The following FAM209A variants were observed in gnomAD, a reference collection of about 807,000 sequenced individuals.
The protein encoded by FAM209A is protein FAM209A.
FAM209A carries 4 observed loss-of-function variants against 9.8 expected under a neutral mutation model. The observed-to-expected ratio is 0.41, with a 90% CI of 0.20 to 0.94. The LOEUF is 0.94. FAM209A is among the 40% of genes least tolerant of loss of function. FAM209A has a pLI of 0.32. For synonymous variants in FAM209A, 55 were observed against 77.8 expected, an observed-to-expected ratio of 0.71 and a Z score of 1.54; for missense variants, 205 against 209.4, an observed-to-expected ratio of 0.98 and a Z score of 0.13.
downstream of FAM209A, among the ~76,000 whole-genome samples, chr20:56,530,080 C>A (rs747405550): frequency 6.5e-4 from 93 of 142,032 alleles, no homozygotes; most frequent in Non-Finnish European, 1.2e-3. Flanking sequence ...ACCCATCCAT[C>A]CAACCATCCA....
downstream of FAM209A, among the ~76,000 whole-genome samples, chr20:56,529,150 G>A (rs779485373): frequency 1.3e-5 from 2 of 151,960 alleles, no homozygotes; most frequent in African/African-American, 4.8e-5. Flanking sequence ...GGAGTTTGCA[G>A]TGAGCCAATA....
chr20:56,527,913 C>A (rs1985607674), downstream of FAM209A, among the ~76,000 whole-genome samples: 1 of 152,150 alleles, frequency 6.6e-6, no homozygotes. Context: ...TCAAGACCAG[C>A]CTGGCCAACA....
chr20:56,533,496 C>G, the FAM209A span: 1 of 1,614,080 alleles, frequency 6.2e-7, no homozygotes, highest in Admixed American at 1.7e-5. Flanking sequence ...CCAGAGCACA[C>G]CCAAGGCTGG....
At chr20:56,527,407 G>A (rs1354630335), downstream of FAM209A, among the ~76,000 whole-genome samples, 1 of 152,114 alleles carries the variant, frequency 6.6e-6, no homozygotes, top group East Asian at 1.9e-4. Flanking sequence ...TTCCCCAAGG[G>A]GCCAGGTTCC....
At chr20:56,526,242 T>C, downstream of FAM209A, 1 of 946,522 alleles carries the variant, frequency 1.1e-6, no homozygotes, top group East Asian at 2.7e-5. Context: ...GATGGTTTTG[T>C]TTTTGCCTCT....
In FAM209A at chr20:56,525,201, C is replaced by T. The variant is rs6127780; in HGVS notation, c.249+144C>T. ...CTGGGCAAAGCTGGCAAATTCACTT[C>T]CTGATGTATCCTTAGTGAAGACAAT... On this transcript the variant is annotated intron_variant, in intron 1 of 1. Coordinates refer to ENST00000371328, the MANE Select transcript of FAM209A (RefSeq NM_001012971.4). 0.027 allele frequency: 28,458 copies of T among 1,053,290 alleles called. 2,632 individuals carry two copies. In the East Asian group the frequency reaches 0.31, roughly 12 times the overall value. 65.2% of individuals were successfully genotyped at this position (1,053,290 alleles called of 1,614,324 possible).
At position 56,524,793 on chromosome 20, in the gene FAM209A, C is replaced by T; in HGVS notation, c.-16C>T. 5.0e-6 allele frequency: 8 copies of T among 1,613,396 alleles called. No homozygotes were observed. The highest frequency in any genetic ancestry group is 2.2e-5 in the East Asian group (1 of 44,872). Reference sequence around the variant, plus strand: ...AAACCCGTCATGAGCAACTCCCTTCCCCATCTCTGCTCACCATGTGGACGC... The same window carrying T: ...AAACCCGTCATGAGCAACTCCCTTCTCCATCTCTGCTCACCATGTGGACGC... On this transcript the variant is annotated 5_prime_UTR_variant, in exon 1 of 2. Coordinates refer to ENST00000371328, the MANE Select transcript of FAM209A (RefSeq NM_001012971.4).
intron 1 of FAM209A, among the ~76,000 whole-genome samples, chr20:56,525,598 C>T (rs910726702): frequency 1.1e-4 from 17 of 152,038 alleles, no homozygotes; most frequent in Admixed American, 2.6e-4. Context: ...CTAGAAAGAC[C>T]CAGCACTTCA....
At chr20:56,531,920 C>T in the FAM209A span, among the ~76,000 whole-genome samples, 1 of 149,702 alleles carries the variant, frequency 6.7e-6, no homozygotes, top group Non-Finnish European at 1.5e-5. Flanking sequence ...TGAGCCCCTG[C>T]CCCTGTGCCT....
rs1204847273 is a variant in FAM209A at position 56,524,985 on chromosome 20, A to G, written c.177A>G (p.Lys59=). Residue 59 remains lysine, a synonymous_variant, in exon 1 of 2, where the codon AAA becomes AAG. Coordinates refer to ENST00000371328, the MANE Select transcript of FAM209A (RefSeq NM_001012971.4). ...PEHTQGWLGS[K]WLWLLFVVVP... ...ACACCCAAGGCTGGCTTGGGAGCAAATGGCTCTGGCTTCTTTTTGTTGTTG... is the reference window on the plus strand; with the variant it reads ...ACACCCAAGGCTGGCTTGGGAGCAAGTGGCTCTGGCTTCTTTTTGTTGTTG... 8.7e-6 allele frequency: 14 copies of G among 1,614,146 alleles called. No individual in the cohort carries two copies. The highest frequency in any genetic ancestry group is 1.2e-5 in the Non-Finnish European group (14 of 1,180,010).
downstream of FAM209A, among the ~76,000 whole-genome samples, chr20:56,530,875 C>G (rs1432556485): frequency 1.3e-5 from 2 of 152,042 alleles, no homozygotes; most frequent in African/African-American, 2.4e-5. Context: ...CGAGGGTGCC[C>G]AGCTGACTCT....
downstream of FAM209A, among the ~76,000 whole-genome samples, chr20:56,528,215 C>A (rs970285470): frequency 2.0e-5 from 3 of 151,458 alleles, no homozygotes. Context: ...TCTGGGAGGT[C>A]GAGGCTGCAG....
chr20:56,533,080 C>G, the FAM209A span: 1 of 873,712 alleles, frequency 1.1e-6, no homozygotes. Context: ...AAAGAGTCCC[C>G]TGGCAGGGAA....
the FAM209A span, chr20:56,533,472 T>C: frequency 1.9e-6 from 3 of 1,614,160 alleles, no homozygotes; most frequent in Non-Finnish European, 2.5e-6. Flanking sequence ...CACTTTCGGA[T>C]TCGGCAGAAC....
downstream of FAM209A, among the ~76,000 whole-genome samples, chr20:56,526,647 TAAAA>T (rs963885939): frequency 4.9e-5 from 7 of 142,648 alleles, no homozygotes; most frequent in South Asian, 4.4e-4. Flanking sequence ...TAATTGGATT[TAAAA>T]AAAAAAAAAG....
chr20:56,531,879 C>G, the FAM209A span, among the ~76,000 whole-genome samples: 1 of 151,522 alleles, frequency 6.6e-6, no homozygotes, highest in East Asian at 2.0e-4. Flanking sequence ...TCTGCCCACC[C>G]TGGCCTCCCA....
chr20:56,529,400 C>T (rs1985665427), downstream of FAM209A, among the ~76,000 whole-genome samples: 1 of 151,830 alleles, frequency 6.6e-6, no homozygotes, highest in Admixed American at 6.6e-5. Flanking sequence ...GCCTGTAATC[C>T]CAGCTACTTG....
At chr20:56,528,455 G>T (rs1025784904), downstream of FAM209A, among the ~76,000 whole-genome samples, 4 of 137,016 alleles carry the variant, frequency 2.9e-5, no homozygotes, top group African/African-American at 1.1e-4. Context: ...AAAAAAATTA[G>T]CCGGGCATGG....
At chr20:56,529,064 C>T (rs988930705), downstream of FAM209A, among the ~76,000 whole-genome samples, 3 of 151,436 alleles carry the variant, frequency 2.0e-5, no homozygotes, top group South Asian at 2.1e-4. Context: ...CAAAATTAGC[C>T]GGGTGCAGTG....
Sources: allele counts gnomAD v4.1 joint callset (sites outside exome capture counted in the v4.1 genomes callset), GRCh38; gene constraint gnomAD v4.1.1; transcripts MANE v1.5; gene names NCBI Gene and HGNC (gene_info 2026-07-23, HGNC 2026-07-21).